Variants in EFR3A observed in about 807,000 individuals in gnomAD.
EFR3A encodes the protein EFR3 homolog A.
In EFR3A, 76 loss-of-function variants were observed where a neutral mutation model predicts 104.4. The ratio of observed to expected loss-of-function variants is 0.73; its 90% CI spans 0.60 to 0.88. The LOEUF is 0.88. Among genes scored for constraint, EFR3A ranks in the 40% least tolerant of loss-of-function variants. The pLI is 0.00. For synonymous variants in EFR3A, 330 were observed against 330.0 expected (o/e 1.00, Z 0.00); for missense variants, 985 against 1,012.5 (o/e 0.97, Z 0.37).
In EFR3A at chr8:131,982,241, T is replaced by C. The variant is rs183433418; in HGVS notation, c.1576-1898T>C. 5.1e-3 allele frequency among the ~76,000 whole-genome samples: 773 copies of C among 152,236 alleles called. 9 individuals are homozygous for C. Among genetic ancestry groups the C allele is most frequent in the African/African-American group, 0.018 (739 of 41,554 alleles). ...GAACTATATTGTTTAGTTTTGCCAG[T>C]TTTTGTAATTTGGGTGAAAGGAACC... On this transcript the variant is annotated intron_variant, in intron 14 of 22. Coordinates refer to ENST00000254624, the MANE Select transcript of EFR3A (RefSeq NM_015137.6).
At chr8:131,915,596 A>G (rs1243806216) in intron 1 of EFR3A, among the ~76,000 whole-genome samples, 3 of 152,188 alleles carry the variant, frequency 2.0e-5, no homozygotes, top group Non-Finnish European at 2.9e-5. Context: ...GAATGGTGCT[A>G]TTGGGGGCCC....
chr8:131,912,613 TCTC>T (rs901308143), intron 1 of EFR3A, among the ~76,000 whole-genome samples: 7 of 152,330 alleles, frequency 4.6e-5, no homozygotes, highest in South Asian at 2.1e-4. Context: ...TCCTTTTTCT[TCTC>T]TATAATTGGT....
At chr8:131,982,543 C>T (rs1820669010) in intron 14 of EFR3A, among the ~76,000 whole-genome samples, 2 of 152,038 alleles carry the variant, frequency 1.3e-5, no homozygotes, top group African/African-American at 4.8e-5. Flanking sequence ...TTCAGATTCA[C>T]TAGATAATGC....
intron 19 of EFR3A, among the ~76,000 whole-genome samples, chr8:131,999,331 A>G (rs1426146515): frequency 6.6e-6 from 1 of 152,184 alleles, no homozygotes; most frequent in Non-Finnish European, 1.5e-5. Flanking sequence ...TCTAGTCAAT[A>G]TTAGTCACAC....
intron 1 of EFR3A, chr8:131,940,228 G>A (rs1245613430): frequency 1.0e-5 from 4 of 398,534 alleles, no homozygotes; most frequent in Non-Finnish European, 1.8e-5. Context: ...AGGTAAAGGG[G>A]GCACGGATGA....
At position 131,976,103 on chromosome 8, in the gene EFR3A, T is replaced by C; in HGVS notation, c.1236T>C (p.Phe412=). 6.2e-7 allele frequency: 1 copy of C among 1,604,214 alleles called. No homozygotes were observed. Among genetic ancestry groups the C allele is most frequent in the East Asian group, 2.2e-5 (1 of 44,664 alleles). ...MMFIMGKVPV[F]GTSTHTLDIS... ...TCATTATGGGGAAAGTACCTGTCTT[T>C]GGAACATCTACCCATACTTTGGATA... The change falls in exon 11 of 23, where the codon TTT becomes TTC. Residue 412 remains phenylalanine, a synonymous_variant. Transcript: ENST00000254624.
chr8:131,998,439 AAG>A (rs1286538596), intron 19 of EFR3A, among the ~76,000 whole-genome samples: 1 of 151,888 alleles, frequency 6.6e-6, no homozygotes, highest in African/African-American at 2.4e-5. Context: ...TTTAAAAAAA[AAG>A]AGAGAGAGTC....
rs779342212 is a variant in EFR3A at position 131,979,370 on chromosome 8, A to G, written c.1524A>G (p.Leu508=). The G allele has an allele frequency of 2.4e-5, 37 of 1,567,158 alleles. No homozygotes were observed. In the South Asian group the frequency reaches 3.8e-4, roughly 16 times the overall value. The change falls in exon 14 of 23, where the codon CTA becomes CTG. Residue 508 remains leucine (L), a synonymous_variant. Transcript: ENST00000254624. The part of the protein sequence containing the change: ...GIRIIPDVAD[L]KIKREKICRQ... ...GAATAATACCGGATGTAGCTGACCT[A>G]AAGATAAAAAGAGAAAAAATTTGCA...
rs998042075 is a variant in EFR3A, at chr8:131,940,407, A to T, written c.11-92A>T. 15 of 1,196,036 alleles carry T rather than the reference A, an allele frequency of 1.3e-5. No homozygotes were observed. In the African/African-American group the frequency reaches 2.0e-4, roughly 16 times the overall value. 74.1% of individuals were successfully genotyped at this position (1,196,036 alleles called of 1,614,324 possible). A position where few individuals can be genotyped will look rare whatever the true frequency, so the allele number is the denominator to read the frequency against. ...TGTGACAGTTTGAACTTTGTATTTT[A>T]TATAGCCCATTAATATTCAGAAACT... On this transcript the variant is annotated intron_variant, in intron 1 of 22. Coordinates refer to ENST00000254624, the MANE Select transcript of EFR3A (RefSeq NM_015137.6).
rs903568271 is a variant in EFR3A at position 132,000,330 on chromosome 8, A to C, written c.2158-1429A>C. On this transcript the variant is annotated intron_variant, in intron 19 of 22. Coordinates refer to ENST00000254624, the MANE Select transcript of EFR3A (RefSeq NM_015137.6). The stretch of plus-strand genomic sequence containing the variant: ...TTTTTAGTAGAGACGGGGTTTCACC[A>C]TGTTTGCCAGGATGGTCTCGATCTC... 3.9e-5 allele frequency among the ~76,000 whole-genome samples: 6 copies of C among 152,094 alleles called. No individual in the cohort carries two copies. In the East Asian group the frequency reaches 1.2e-3, roughly 30 times the overall value.
At position 132,009,878 on chromosome 8, in the gene EFR3A, A is replaced by C. The variant is rs144664907; in HGVS notation, c.2361-912A>C. 8.3e-3 allele frequency among the ~76,000 whole-genome samples: 1,266 copies of C among 152,204 alleles called. 8 individuals carry two copies. Among genetic ancestry groups the C allele is most frequent in the Middle Eastern group, 0.027 (8 of 294 alleles). ...TAAGGCTTTTAAGCATTTGGCAACA[A>C]AAAAAGTTGAGAATTAAATAATGAA... is the stretch of plus-strand genomic sequence containing the variant. On this transcript the variant is annotated intron_variant, in intron 22 of 22. Coordinates refer to ENST00000254624, the MANE Select transcript of EFR3A (RefSeq NM_015137.6).
At chr8:131,982,971 A>T (rs912671079) in intron 14 of EFR3A, among the ~76,000 whole-genome samples, 4 of 152,200 alleles carry the variant, frequency 2.6e-5, no homozygotes, top group Admixed American at 6.6e-5. Flanking sequence ...TGTAACACAC[A>T]TTTAAGCTGA....
chr8:131,914,981 G>C (rs1454678061), intron 1 of EFR3A, among the ~76,000 whole-genome samples: 1 of 152,128 alleles, frequency 6.6e-6, no homozygotes, highest in Non-Finnish European at 1.5e-5. Flanking sequence ...CAAAAGACAT[G>C]ATCTCCTTCT....
rs1304875832 is a variant in EFR3A, at chr8:131,955,837, C to T, written c.708C>T (p.Asn236=). The T allele has an allele frequency of 6.2e-7, 1 of 1,613,534 alleles. No individual in the cohort carries two copies. The highest frequency in any genetic ancestry group is 8.5e-7 in the Non-Finnish European group (1 of 1,179,652). The change falls in exon 7 of 23, where the codon AAC becomes AAT. Residue 236 remains asparagine (N), a synonymous_variant. Coordinates refer to ENST00000254624, the MANE Select transcript of EFR3A (RefSeq NM_015137.6). ...AGAATCCTGCTGTGCTGGCTGAAAA[C>T]TGTTTCAGAGAACTGCTGGGTCGAG... is the stretch of plus-strand genomic sequence containing the variant. ...KEENPAVLAE[N]CFRELLGRAT...
At chr8:131,955,017 G>A (rs1006720350) in intron 6 of EFR3A, among the ~76,000 whole-genome samples, 1 of 152,024 alleles carries the variant, frequency 6.6e-6, no homozygotes, top group African/African-American at 2.4e-5. Flanking sequence ...AGCACTATCT[G>A]TATTTTTCCT....
Position 131,915,845 on chromosome 8 carries a change from T to C in EFR3A, c.10+11523T>C, listed in dbSNP as rs140847224. On this transcript the variant is annotated intron_variant, in intron 1 of 22. Coordinates refer to ENST00000254624, the MANE Select transcript of EFR3A (RefSeq NM_015137.6). ...CTAAGGCTGTGTATGTGTGCACACC[T>C]GCGCATGGTAATTTTGTCTTTTATT... Among the ~76,000 whole-genome samples the C allele has an allele frequency of 2.3e-3, 356 of 152,330 alleles. 2 individuals are homozygous for C. The highest frequency in any genetic ancestry group is 8.2e-3 in the African/African-American group (342 of 41,578).
At chr8:131,905,929 C>A (rs1235682566) in intron 1 of EFR3A, among the ~76,000 whole-genome samples, 1 of 152,150 alleles carries the variant, frequency 6.6e-6, no homozygotes, top group Non-Finnish European at 1.5e-5. Context: ...AAACTCGTTT[C>A]TTTTCAAATG....
chr8:131,965,786 C>G (rs1014692562), intron 8 of EFR3A, among the ~76,000 whole-genome samples: 10 of 151,892 alleles, frequency 6.6e-5, no homozygotes, highest in Non-Finnish European at 1.5e-4. Context: ...GCACTATTCA[C>G]AATAGCAAAG....
chr8:132,000,540 TG>T (rs1227667504), intron 19 of EFR3A, among the ~76,000 whole-genome samples: 1 of 152,144 alleles, frequency 6.6e-6, no homozygotes, highest in African/African-American at 2.4e-5. Flanking sequence ...TTTACTTACC[TG>T]AGATTGACAG....
Sources: gnomAD v4.1 joint callset for allele counts (sites outside exome capture counted in the v4.1 genomes callset) on GRCh38, gnomAD v4.1.1 for gene constraint, MANE v1.5 for transcripts, NCBI Gene and HGNC (gene_info 2026-07-23, HGNC 2026-07-21) for gene names.